CDYL2: variants seen among roughly 807,000 people sequenced by gnomAD.
CDYL2 encodes chromodomain Y-like protein 2.
Under a neutral mutation model 49.4 loss-of-function variants are expected in CDYL2, and 23 were observed. The ratio of observed to expected loss-of-function variants is 0.47; its 90% confidence interval spans 0.34 to 0.66. The LOEUF (loss-of-function observed/expected upper bound fraction) is 0.66. Among genes scored for constraint, CDYL2 ranks in the 30% least tolerant of loss-of-function variants. The pLI is 0.01. For synonymous variants in CDYL2, 360 were observed against 268.8 expected, an observed-to-expected ratio of 1.34 and a Z score of -3.32; for missense variants, 678 against 656.4, an observed-to-expected ratio of 1.03 and a Z score of -0.36.
rs80018504 is a variant in CDYL2, at chr16:80,710,939, C to A, written c.25-25810G>T. 5.3e-5 allele frequency among the ~76,000 whole-genome samples: 8 copies of A among 152,328 alleles called. No individual in the cohort carries two copies. The East Asian group carries it at 1.3e-3, about 26-fold the overall frequency. ...ATTTGAAATTTTAGTTTCATGAATACATATTTTTGTAACAGTACAAATCTG... is the reference window on the plus strand; with the variant it reads ...ATTTGAAATTTTAGTTTCATGAATAAATATTTTTGTAACAGTACAAATCTG... On this transcript the variant is annotated intron_variant, in intron 1 of 6. Coordinates refer to ENST00000570137, the MANE Select transcript of CDYL2 (RefSeq NM_152342.4).
At chr16:80,723,875 G>C (rs995747355) in intron 1 of CDYL2, among the ~76,000 whole-genome samples, 1 of 151,490 alleles carries the variant, frequency 6.6e-6, no homozygotes, top group Admixed American at 6.6e-5. Context: ...AGAGGAGGAA[G>C]AGGAAGGGAG....
intron 1 of CDYL2, among the ~76,000 whole-genome samples, chr16:80,741,815 A>T (rs1426344264): frequency 6.6e-6 from 1 of 152,340 alleles, no homozygotes; most frequent in Admixed American, 6.5e-5. Flanking sequence ...GGGCATTCTC[A>T]TACGGGGGAG....
intron 1 of CDYL2, among the ~76,000 whole-genome samples, chr16:80,727,793 T>TG (rs1905211932): frequency 5.9e-5 from 9 of 152,186 alleles, no homozygotes; most frequent in Admixed American, 5.9e-4. Context: ...CCCTGACCCC[T>TG]AACCCCCGAG....
chr16:80,654,666 C>A (rs1006692200), intron 2 of CDYL2, among the ~76,000 whole-genome samples: 1 of 152,268 alleles, frequency 6.6e-6, no homozygotes, highest in African/African-American at 2.4e-5. Context: ...AGGCAGGGAC[C>A]AGAAAACGCT....
At chr16:80,737,740 G>A (rs1905587848) in intron 1 of CDYL2, among the ~76,000 whole-genome samples, 1 of 152,196 alleles carries the variant, frequency 6.6e-6, no homozygotes, top group Non-Finnish European at 1.5e-5. Context: ...TAGGTCTGGG[G>A]TAAGGCTGAG....
intron 1 of CDYL2, among the ~76,000 whole-genome samples, chr16:80,770,459 T>C (rs951815147): frequency 2.0e-5 from 3 of 152,140 alleles, no homozygotes; most frequent in African/African-American, 7.2e-5. Flanking sequence ...AAGCTAAATA[T>C]TGTATGTAGA....
At chr16:80,697,343 C>G (rs528643094) in intron 1 of CDYL2, among the ~76,000 whole-genome samples, 1 of 152,112 alleles carries the variant, frequency 6.6e-6, no homozygotes, top group East Asian at 1.9e-4. Context: ...CCAATGGATA[C>G]AGAGAAAGCA....
At chr16:80,646,572 C>T (rs775405187) in intron 2 of CDYL2, among the ~76,000 whole-genome samples, 10 of 152,238 alleles carry the variant, frequency 6.6e-5, no homozygotes, top group Middle Eastern at 3.4e-3. Flanking sequence ...AGGCAGATCA[C>T]GAGGTCAGCT....
At chr16:80,709,149 C>T (rs1465842841) in intron 1 of CDYL2, among the ~76,000 whole-genome samples, 1 of 152,190 alleles carries the variant, frequency 6.6e-6, no homozygotes, top group East Asian at 1.9e-4. Flanking sequence ...TTTGGGAGGC[C>T]GAGGTGGGCA....
In CDYL2 at chr16:80,598,957, G is replaced by A. The variant is rs1457351219; in HGVS notation, c.*5431C>T. On this transcript the variant is annotated 3_prime_UTR_variant, in exon 7 of 7. Transcript: ENST00000570137. ...ATATTGTCACAATCCTGTCAACATC[G>A]ACACTGGCAAATGACTTCAAGCTGG... 1.3e-5 allele frequency: 2 copies of A among 151,472 alleles called. No homozygotes were observed. The highest frequency in any genetic ancestry group is 1.9e-4 in the East Asian group (1 of 5,190). The allele number at this position is 151,472 out of a possible 1,614,324, so 9.4% of individuals were successfully genotyped here.
At chr16:80,641,162 C>T (rs905920454) in intron 2 of CDYL2, among the ~76,000 whole-genome samples, 3 of 152,082 alleles carry the variant, frequency 2.0e-5, no homozygotes, top group African/African-American at 7.2e-5. Context: ...ATTCAATAGT[C>T]AAACTCCCAA....
intron 1 of CDYL2, among the ~76,000 whole-genome samples, chr16:80,695,939 C>G (rs536751405): frequency 1.3e-5 from 2 of 152,312 alleles, no homozygotes; most frequent in African/African-American, 4.8e-5. Context: ...TCAACTGCTG[C>G]AGAACGCATA....
intron 1 of CDYL2, among the ~76,000 whole-genome samples, chr16:80,717,237 T>G (rs1162147590): frequency 5.3e-5 from 8 of 152,176 alleles, no homozygotes; most frequent in African/African-American, 1.9e-4. Flanking sequence ...ATTCTTACTA[T>G]TCAACTTTAG....
chr16:80,747,731 G>T (rs375922189), intron 1 of CDYL2, among the ~76,000 whole-genome samples: 1 of 152,096 alleles, frequency 6.6e-6, no homozygotes, highest in African/African-American at 2.4e-5. Context: ...GACCCCTCTA[G>T]AACCACTGAG....
At chr16:80,791,845 T>C (rs1907620228) in intron 1 of CDYL2, among the ~76,000 whole-genome samples, 1 of 152,112 alleles carries the variant, frequency 6.6e-6, no homozygotes, top group African/African-American at 2.4e-5. Flanking sequence ...AAAATGGACA[T>C]TGTTGAAAGA....
chr16:80,713,590 G>C (rs1055926285), intron 1 of CDYL2, among the ~76,000 whole-genome samples: 1 of 152,098 alleles, frequency 6.6e-6, no homozygotes, highest in Non-Finnish European at 1.5e-5. Flanking sequence ...TCCTATGGCT[G>C]GGTGTGGGTA....
At chr16:80,715,638 C>A (rs923205513) in intron 1 of CDYL2, among the ~76,000 whole-genome samples, 2 of 152,018 alleles carry the variant, frequency 1.3e-5, no homozygotes, top group African/African-American at 4.8e-5. Flanking sequence ...TAATGAAAAT[C>A]TGATTGTGTC....
At chr16:80,797,899 G>C (rs1907813840) in intron 1 of CDYL2, among the ~76,000 whole-genome samples, 1 of 152,142 alleles carries the variant, frequency 6.6e-6, no homozygotes, top group Non-Finnish European at 1.5e-5. Context: ...TGTTAACTTT[G>C]AAGGACAATC....
rs574526942 is a variant in CDYL2 at position 80,669,707 on chromosome 16, C to T, written c.616+14831G>A. Among the ~76,000 whole-genome samples the T allele has an allele frequency of 6.6e-5, 10 of 152,298 alleles. No individual in the cohort carries two copies. The South Asian group carries it at 1.9e-3, about 28-fold the overall frequency. On this transcript the variant is annotated intron_variant, in intron 2 of 6. Transcript: ENST00000570137. ...TTGTGGCCTCAGGCAGGTGCCCCCA[C>T]TGAAAGCAGAGCCTGTGTTCTCCCT...
Sources: allele counts gnomAD v4.1 joint callset (sites outside exome capture counted in the v4.1 genomes callset), GRCh38; gene constraint gnomAD v4.1.1; transcripts MANE v1.5; gene names NCBI Gene and HGNC (gene_info 2026-07-23, HGNC 2026-07-21).